The following AFG2A variants were observed in gnomAD, a reference collection of about 807,000 sequenced individuals.
The protein encoded by AFG2A is ATPase family gene 2 protein homolog A.
At chr4:122,988,422 C>G in the AFG2A span, among the ~76,000 whole-genome samples, 1 of 135,600 alleles carries the variant, frequency 7.4e-6, no homozygotes, top group South Asian at 2.3e-4. Flanking sequence ...TTTTTTGAGA[C>G]AGAATCTCAC....
chr4:123,013,081 T>C, the AFG2A span, among the ~76,000 whole-genome samples: 1 of 151,980 alleles, frequency 6.6e-6, no homozygotes, highest in African/African-American at 2.4e-5. Flanking sequence ...TGGGGCCGTT[T>C]TATAGGATTT....
chr4:122,940,441 T>C, the AFG2A span, among the ~76,000 whole-genome samples: 9 of 152,370 alleles, frequency 5.9e-5, no homozygotes, highest in East Asian at 3.9e-4. Flanking sequence ...TTCTGAGAAG[T>C]GTCTGTTCAT....
chr4:123,070,121 C>T, the AFG2A span, among the ~76,000 whole-genome samples: 44 of 152,326 alleles, frequency 2.9e-4, no homozygotes, highest in Non-Finnish European at 5.4e-4. Flanking sequence ...TTCTACCAGA[C>T]ATCACATTCT....
At chr4:122,941,448 G>A in the AFG2A span, among the ~76,000 whole-genome samples, 2 of 152,252 alleles carry the variant, frequency 1.3e-5, no homozygotes, top group African/African-American at 4.8e-5. Flanking sequence ...TGTTATCGGT[G>A]TATAAGAATG....
chr4:123,290,567 A>C, the AFG2A span, among the ~76,000 whole-genome samples: 1 of 152,222 alleles, frequency 6.6e-6, no homozygotes, highest in Non-Finnish European at 1.5e-5. Flanking sequence ...TTACAAAAGA[A>C]AGAGGTTTAA....
chr4:122,989,173 A>AT, the AFG2A span, among the ~76,000 whole-genome samples: 2 of 152,112 alleles, frequency 1.3e-5, no homozygotes, highest in African/African-American at 4.8e-5. Context: ...ATTATTAGTG[A>AT]TTTTTGTGGA....
the AFG2A span, among the ~76,000 whole-genome samples, chr4:122,971,192 A>C: frequency 3.9e-5 from 6 of 152,194 alleles, no homozygotes; most frequent in Non-Finnish European, 5.9e-5. Flanking sequence ...GGATCCCTTA[A>C]GCCCAGGAGC....
At chr4:123,056,744 T>C in the AFG2A span, among the ~76,000 whole-genome samples, 1 of 152,226 alleles carries the variant, frequency 6.6e-6, no homozygotes, top group Admixed American at 6.5e-5. Flanking sequence ...TAATAATACC[T>C]ATCATTTATT....
At chr4:123,029,007 C>T in the AFG2A span, among the ~76,000 whole-genome samples, 1 of 152,272 alleles carries the variant, frequency 6.6e-6, no homozygotes, top group East Asian at 1.9e-4. Flanking sequence ...TTAATCCACA[C>T]ATATAAAACT....
the AFG2A span, among the ~76,000 whole-genome samples, chr4:123,253,877 G>A: frequency 6.6e-6 from 1 of 151,942 alleles, no homozygotes; most frequent in Admixed American, 6.6e-5. Flanking sequence ...ATCGGTCTTT[G>A]GTATTGTTAG....
the AFG2A span, among the ~76,000 whole-genome samples, chr4:123,230,614 C>T: frequency 3.9e-5 from 6 of 152,042 alleles, no homozygotes; most frequent in Admixed American, 6.6e-5. Context: ...TTGACCTTCT[C>T]CCCTGAGTCA....
chr4:122,956,426 C>T, the AFG2A span, among the ~76,000 whole-genome samples: 19 of 152,160 alleles, frequency 1.2e-4, no homozygotes, highest in Non-Finnish European at 2.5e-4. Context: ...CAACTTCATG[C>T]TCTTAATTAA....
chr4:123,041,212 G>A, the AFG2A span, among the ~76,000 whole-genome samples: 2 of 150,822 alleles, frequency 1.3e-5, no homozygotes, highest in Admixed American at 1.3e-4. Flanking sequence ...CCGGGTTCAC[G>A]CCATTCTTCT....
At chr4:123,261,466 GCATTTA>G in the AFG2A span, among the ~76,000 whole-genome samples, 1 of 152,094 alleles carries the variant, frequency 6.6e-6, no homozygotes, top group South Asian at 2.1e-4. Flanking sequence ...CAACTATATA[GCATTTA>G]CATTATGTCA....
the AFG2A span, among the ~76,000 whole-genome samples, chr4:123,179,953 C>T: frequency 6.6e-6 from 1 of 152,154 alleles, no homozygotes; most frequent in Admixed American, 6.5e-5. Flanking sequence ...GGCACAGTGA[C>T]TCCTGCCTGT....
the AFG2A span, among the ~76,000 whole-genome samples, chr4:123,264,646 A>AGT: frequency 7.4e-4 from 113 of 152,328 alleles, 2 homozygotes; most frequent in East Asian, 9.6e-3. Flanking sequence ...CTTTTGAGCT[A>AGT]GTCCTGTACC....
chr4:122,928,011 T>A, the AFG2A span, among the ~76,000 whole-genome samples: 2 of 152,194 alleles, frequency 1.3e-5, no homozygotes, highest in Non-Finnish European at 2.9e-5. Context: ...ATGTTTCTGA[T>A]TTTAATTTTC....
At chr4:123,093,421 A>G in the AFG2A span, among the ~76,000 whole-genome samples, 1 of 152,218 alleles carries the variant, frequency 6.6e-6, no homozygotes, top group Non-Finnish European at 1.5e-5. Context: ...TTGCCATGAC[A>G]TTTGTCAACT....
At chr4:123,028,461 C>T in the AFG2A span, 13 of 1,360,474 alleles carry the variant, frequency 9.6e-6, no homozygotes, top group Non-Finnish European at 1.4e-5. Context: ...TCTCTGACTC[C>T]TACCTTTAGG....
Sources: allele counts gnomAD v4.1 joint callset (sites outside exome capture counted in the v4.1 genomes callset), GRCh38; gene constraint gnomAD v4.1.1; transcripts MANE v1.5; gene names NCBI Gene and HGNC (gene_info 2026-07-23, HGNC 2026-07-21).